Variants in CCDC134 observed in about 807,000 individuals in gnomAD.
CCDC134 encodes the protein coiled-coil domain containing 134, also known as coiled-coil domain-containing protein 134.
A neutral mutation model predicts 25.6 loss-of-function variants in CCDC134; 27 were observed. The ratio of observed to expected loss-of-function variants is 1.05; its 90% CI spans 0.78 to 1.45. The LOEUF is 1.45. Among genes scored for constraint, CCDC134 ranks in the 40% most tolerant of loss-of-function variants. The pLI is 0.00. For synonymous variants in CCDC134, 110 were observed against 115.0 expected, an observed-to-expected ratio of 0.96 and a Z score of 0.28; for missense variants, 261 against 286.7, an observed-to-expected ratio of 0.91 and a Z score of 0.65.
intron 1 of CCDC134, among the ~76,000 whole-genome samples, chr22:41,806,209 G>A (rs895616819): frequency 6.1e-5 from 9 of 147,668 alleles, no homozygotes; most frequent in African/African-American, 2.0e-4. Flanking sequence ...TTTTTTAGGC[G>A]ACTAATTTTT....
chr22:41,822,772 G>A (rs2076658325), intron 6 of CCDC134, among the ~76,000 whole-genome samples: 1 of 152,210 alleles, frequency 6.6e-6, no homozygotes, highest in Non-Finnish European at 1.5e-5. Context: ...ACAGAGACAG[G>A]AGCAGAGTGT....
At chr22:41,808,693 G>A (rs1434096032) in intron 1 of CCDC134, among the ~76,000 whole-genome samples, 182 bp from the exon 2 acceptor site, 1 of 152,170 alleles carries the variant, frequency 6.6e-6, no homozygotes, top group Non-Finnish European at 1.5e-5. Flanking sequence ...GCATCCCACG[G>A]CTCTGTATTG....
At chr22:41,813,563 C>T in intron 5 of CCDC134, 118 bp downstream of exon 5, 1 of 1,311,150 alleles carries the variant, frequency 7.6e-7, no homozygotes, top group Non-Finnish European at 1.1e-6. Context: ...CTTTGTGGAG[C>T]TTCAGGGTAT....
chr22:41,808,259 A>C (rs545165155), intron 1 of CCDC134, among the ~76,000 whole-genome samples: 15 of 152,186 alleles, frequency 9.9e-5, no homozygotes, highest in African/African-American at 3.1e-4. Context: ...AAAGTGAGTG[A>C]GTAGCAAGCC....
At chr22:41,810,118 A>C in intron 3 of CCDC134, 89 bp from the exon 4 acceptor site, 1 of 1,592,170 alleles carries the variant, frequency 6.3e-7, no homozygotes, top group Non-Finnish European at 8.6e-7. Flanking sequence ...CGCACACGTA[A>C]GACTTGAAGT....
chr22:41,810,262 C>T lies in CCDC134; in HGVS notation c.281C>T (p.Pro94Leu), dbSNP rs1050336965. ...LTAADVLPDGPFPQDEKLKDA... is the reference protein window; with the variant it reads ...LTAADVLPDGLFPQDEKLKDA... Reference sequence around the variant, plus strand: ...GCTGCTGATGTGCTCCCAGATGGGCCCTTCCCCCAGGACGAGAAGCTGAAG... The same window carrying T: ...GCTGCTGATGTGCTCCCAGATGGGCTCTTCCCCCAGGACGAGAAGCTGAAG... The change falls in exon 4 of 7, where the codon CCC becomes CTC. Residue 94 changes from proline to leucine, a missense_variant. By Grantham distance (98) the Pro-to-Leu change is moderately conservative (BLOSUM62 -3). Coordinates refer to ENST00000255784, the MANE Select transcript of CCDC134 (RefSeq NM_024821.5). 2.2e-5 allele frequency: 35 copies of T among 1,614,082 alleles called. No individual in the cohort carries two copies. Among genetic ancestry groups the T allele is most frequent in the Non-Finnish European group, 2.8e-5 (33 of 1,179,990 alleles).
chr22:41,824,447 T>C (rs1232445214), intron 6 of CCDC134, among the ~76,000 whole-genome samples: 1 of 152,124 alleles, frequency 6.6e-6, no homozygotes, highest in Non-Finnish European at 1.5e-5. Flanking sequence ...AGCTGGAATG[T>C]GACATGCACA....
chr22:41,806,385 A>AT (rs1367218928), intron 1 of CCDC134, among the ~76,000 whole-genome samples: 2 of 151,382 alleles, frequency 1.3e-5, no homozygotes, highest in African/African-American at 2.4e-5. Flanking sequence ...CGCCCGGCTA[A>AT]TTTTTTTTGT....
intron 1 of CCDC134, among the ~76,000 whole-genome samples, chr22:41,804,479 G>A (rs1454106915): frequency 6.6e-6 from 1 of 152,166 alleles, no homozygotes; most frequent in African/African-American, 2.4e-5. Flanking sequence ...AATGCACAGG[G>A]CTGCAGTCTA....
chr22:41,801,804 A>G (rs1329714754), intron 1 of CCDC134, among the ~76,000 whole-genome samples: 1 of 152,162 alleles, frequency 6.6e-6, no homozygotes, highest in Non-Finnish European at 1.5e-5. Context: ...AGAGACTCTA[A>G]AAAAATGATG....
chr22:41,824,051 ACT>A (rs1157626774), intron 6 of CCDC134, among the ~76,000 whole-genome samples: 1 of 152,048 alleles, frequency 6.6e-6, no homozygotes, highest in East Asian at 1.9e-4. Flanking sequence ...AGCCAGGAAG[ACT>A]CTGTGCTAAG....
At chr22:41,816,981 G>A (rs559333111) in intron 6 of CCDC134, among the ~76,000 whole-genome samples, 1 of 152,190 alleles carries the variant, frequency 6.6e-6, no homozygotes, top group East Asian at 1.9e-4. Context: ...TTTTTCTCCA[G>A]TTGTTGCCTA....
chr22:41,830,389 G>T lies in CCDC134; in HGVS notation c.*4566G>T, dbSNP rs1398693966. Among the ~76,000 whole-genome samples the T allele has an allele frequency of 6.6e-6, 1 of 152,204 alleles. No individual in the cohort carries two copies. The highest frequency in any genetic ancestry group is 1.9e-4 in the East Asian group (1 of 5,200). ...GTGCTGTGTGCCACCTCTGGAGGGGGTCACTGAGGTTCTGGGTTGTGGGGG... is the reference window on the plus strand; with the variant it reads ...GTGCTGTGTGCCACCTCTGGAGGGGTTCACTGAGGTTCTGGGTTGTGGGGG... On this transcript the variant is annotated 3_prime_UTR_variant, in exon 7 of 7. Transcript: ENST00000255784.
At chr22:41,823,165 A>G (rs761464692) in intron 6 of CCDC134, among the ~76,000 whole-genome samples, 3 of 152,134 alleles carry the variant, frequency 2.0e-5, no homozygotes, top group Non-Finnish European at 4.4e-5. Flanking sequence ...GGTAATAGAT[A>G]TAAATAAGAG....
intron 1 of CCDC134, among the ~76,000 whole-genome samples, chr22:41,801,004 C>G (rs1294499537): frequency 6.6e-6 from 1 of 152,218 alleles, no homozygotes; most frequent in African/African-American, 2.4e-5. Flanking sequence ...TGCAGGAGTT[C>G]AGAGCCTCAT....
intron 4 of CCDC134, among the ~76,000 whole-genome samples, 198 bp downstream of exon 4, chr22:41,810,489 C>CTTTTTTT (rs960666358): frequency 3.6e-4 from 31 of 86,608 alleles, no homozygotes; most frequent in African/African-American, 5.5e-4. Context: ...AATAGCATTT[C>CTTTTTTT]TTTTTTTTTT....
rs936895107 is a variant in CCDC134, at chr22:41,825,567, C to T, written c.565-131C>T. ...CTCAGCAGTTCTCCCAAACCCATTT[C>T]CTGTCTCCGTGTCTGGGGCAGGGCC... On this transcript the variant is annotated intron_variant, in intron 6 of 6. Transcript: ENST00000255784. This position sits in a 1 kb window ranked among gnomAD's most constrained non-coding sequence, Gnocchi z 4.4. 1.6e-6 allele frequency: 2 copies of T among 1,215,754 alleles called. No homozygotes were observed. Among genetic ancestry groups the T allele is most frequent in the African/African-American group, 1.5e-5 (1 of 65,468 alleles). 75.3% of individuals were successfully genotyped at this position (1,215,754 alleles called of 1,614,324 possible). A position where few individuals can be genotyped will look rare whatever the true frequency, so the allele number is the denominator to read the frequency against.
chr22:41,808,153 TC>T (rs1310519411), intron 1 of CCDC134, among the ~76,000 whole-genome samples: 1 of 151,012 alleles, frequency 6.6e-6, no homozygotes, highest in Admixed American at 6.6e-5. Flanking sequence ...AGAGTGAAAC[TC>T]CATCTTAAAA....
chr22:41,828,254 A>G lies in CCDC134; in HGVS notation c.*2431A>G, dbSNP rs1313886165. Among the ~76,000 whole-genome samples the G allele has an allele frequency of 6.6e-6, 1 of 152,092 alleles. No individual in the cohort carries two copies. Among genetic ancestry groups the G allele is most frequent in the African/African-American group, 2.4e-5 (1 of 41,408 alleles). ...TTGTTATCAGAACCAGGCTCTTCACACTCAGATCCTTGGGCCCCCCATCTC... is the reference window on the plus strand; with the variant it reads ...TTGTTATCAGAACCAGGCTCTTCACGCTCAGATCCTTGGGCCCCCCATCTC... On this transcript the variant is annotated 3_prime_UTR_variant, in exon 7 of 7. Coordinates refer to ENST00000255784, the MANE Select transcript of CCDC134 (RefSeq NM_024821.5).
Sources: allele counts gnomAD v4.1 joint callset (sites outside exome capture counted in the v4.1 genomes callset), GRCh38; gene constraint gnomAD v4.1.1; non-coding constraint Gnocchi (gnomAD v3.1); transcripts MANE v1.5; gene names NCBI Gene and HGNC (gene_info 2026-07-23, HGNC 2026-07-21).